Variants in ASCC3 observed in about 807,000 individuals in gnomAD.
ASCC3 encodes ASC-1 complex subunit P200.
In ASCC3, 158 loss-of-function variants were observed where a neutral mutation model predicts 256.3. The ratio of observed to expected loss-of-function variants is 0.62; its 90% CI spans 0.54 to 0.70. The LOEUF is 0.70. Ranked by LOEUF, ASCC3 falls within the 30% of genes least tolerant of loss-of-function variation. The pLI is 0.00. For synonymous variants in ASCC3, 948 were observed against 883.4 expected, an observed-to-expected ratio of 1.07 and a Z score of -1.30; for missense variants, 2,259 against 2,626.0, an observed-to-expected ratio of 0.86 and a Z score of 3.05.
intron 22 of ASCC3, 91 bp from the exon 23 acceptor site, chr6:100,644,220 A>G (rs1775271419): frequency 4.9e-6 from 4 of 821,996 alleles, no homozygotes; most frequent in South Asian, 1.4e-5. Context: ...CTTTATTGAT[A>G]TATCATTTAT....
At chr6:100,566,231 AC>A (rs2114714476) in intron 36 of ASCC3, among the ~76,000 whole-genome samples, 2 of 152,334 alleles carry the variant, frequency 1.3e-5, no homozygotes, top group South Asian at 4.1e-4. Context: ...CTTACTGGAT[AC>A]ACACAGTAAA....
chr6:100,826,746 T>C (rs1217934541), intron 4 of ASCC3, among the ~76,000 whole-genome samples: 3 of 152,278 alleles, frequency 2.0e-5, no homozygotes, highest in Middle Eastern at 3.4e-3. Flanking sequence ...GGATAAAGAA[T>C]GAAGACCTGC....
At chr6:100,730,470 G>C in intron 10 of ASCC3, among the ~76,000 whole-genome samples, 1 of 152,138 alleles carries the variant, frequency 6.6e-6, no homozygotes, top group South Asian at 2.1e-4. Context: ...CTTCTGTGGT[G>C]AAAATAGCCT....
At chr6:100,564,905 A>G (rs1335396967) in intron 36 of ASCC3, among the ~76,000 whole-genome samples, 2 of 152,218 alleles carry the variant, frequency 1.3e-5, no homozygotes, top group Non-Finnish European at 2.9e-5. Flanking sequence ...ATAAATGGAC[A>G]TTTAGTCCCT....
intron 14 of ASCC3, among the ~76,000 whole-genome samples, chr6:100,669,366 A>G (rs1776632860): frequency 6.6e-6 from 1 of 150,780 alleles, no homozygotes; most frequent in Admixed American, 6.6e-5. Flanking sequence ...AAATAAGTGG[A>G]AAAAATCACT....
chr6:100,688,223 T>C (rs1777675687), intron 13 of ASCC3, among the ~76,000 whole-genome samples: 1 of 151,508 alleles, frequency 6.6e-6, no homozygotes, highest in Admixed American at 6.6e-5. Flanking sequence ...GGAATTGTAA[T>C]TGATAGGACA....
intron 1 of ASCC3, among the ~76,000 whole-genome samples, chr6:100,873,490 A>G (rs776803806): frequency 3.9e-5 from 6 of 152,194 alleles, no homozygotes; most frequent in Non-Finnish European, 8.8e-5. Flanking sequence ...CAGCCTTGCT[A>G]GAGACCTAGA....
chr6:100,623,594 T>A (rs895293856), intron 30 of ASCC3, among the ~76,000 whole-genome samples: 2 of 152,166 alleles, frequency 1.3e-5, no homozygotes, highest in African/African-American at 4.8e-5. Context: ...AGCACTGCTC[T>A]TCTTTAGCCT....
intron 36 of ASCC3, among the ~76,000 whole-genome samples, chr6:100,551,230 C>T (rs576746535): frequency 2.6e-4 from 39 of 152,000 alleles, no homozygotes; most frequent in African/African-American, 6.7e-4. Flanking sequence ...CAGGTATACA[C>T]AATGGTAAAC....
intron 32 of ASCC3, among the ~76,000 whole-genome samples, chr6:100,606,286 T>A (rs1772883742): frequency 6.6e-6 from 1 of 152,244 alleles, no homozygotes; most frequent in Admixed American, 6.5e-5. Flanking sequence ...GCTTTTATCA[T>A]GTTTTAAAAT....
intron 16 of ASCC3, among the ~76,000 whole-genome samples, chr6:100,656,822 A>T (rs1463482341): frequency 6.6e-6 from 1 of 151,034 alleles, no homozygotes; most frequent in Non-Finnish European, 1.5e-5. Flanking sequence ...CACGTTGTAA[A>T]ACTTCATAGT....
chr6:100,848,511 A>G lies in ASCC3; in HGVS notation c.438T>C (p.Leu146=). The G allele has an allele frequency of 6.2e-7, 1 of 1,614,152 alleles. No individual in the cohort carries two copies. The highest frequency in any genetic ancestry group is 8.5e-7 in the Non-Finnish European group (1 of 1,179,998). ...RIISHFSQDD[L]TALVQMTEKE... ...TTTCTGTCATCTGCACAAGAGCAGT[A>G]AGATCATCTTGACTAAAATGAGAAA... Residue 146 remains leucine, a synonymous_variant, in exon 4 of 42, where the codon CTT becomes CTC. Transcript: ENST00000369162.
In ASCC3 at chr6:100,867,901, A is replaced by G. The variant is rs983067268; in HGVS notation, c.90+7T>C. 2.5e-6 allele frequency: 4 copies of G among 1,600,540 alleles called. No individual in the cohort carries two copies. The highest frequency in any genetic ancestry group is 1.3e-5 in the African/African-American group (1 of 74,618). Reference sequence around the variant, plus strand: ...ATGTTCAACATTTCTACCTTTAACAAATCTACCTTTAAGTCAGCCACTTCT... The same window carrying G: ...ATGTTCAACATTTCTACCTTTAACAGATCTACCTTTAAGTCAGCCACTTCT... On this transcript the variant is annotated splice_region_variant and intron_variant, in intron 2 of 41. Coordinates refer to ENST00000369162, the MANE Select transcript of ASCC3 (RefSeq NM_006828.4).
chr6:100,630,700 A>G (rs1774497224), intron 26 of ASCC3, among the ~76,000 whole-genome samples: 1 of 151,876 alleles, frequency 6.6e-6, no homozygotes, highest in African/African-American at 2.4e-5. Context: ...AATGAAAAAA[A>G]CCCCACATCA....
At chr6:100,646,473 G>T in intron 22 of ASCC3, 142 bp downstream of exon 22, 1 of 873,298 alleles carries the variant, frequency 1.1e-6, no homozygotes. Context: ...ACCATGCCCG[G>T]CTAATTGCTA....
At chr6:100,837,613 G>C (rs1249953396) in intron 4 of ASCC3, among the ~76,000 whole-genome samples, 1 of 152,074 alleles carries the variant, frequency 6.6e-6, no homozygotes, top group Admixed American at 6.6e-5. Context: ...ATTATGTTAA[G>C]TAAAATAAGC....
intron 12 of ASCC3, among the ~76,000 whole-genome samples, chr6:100,716,164 T>C (rs189948798): frequency 6.6e-6 from 1 of 151,870 alleles, no homozygotes; most frequent in African/African-American, 2.4e-5. Flanking sequence ...AATTTGATAT[T>C]CAGTCAAATA....
chr6:100,620,618 G>A (rs9322111), intron 30 of ASCC3, among the ~76,000 whole-genome samples: 9,925 of 152,088 alleles, frequency 0.065, 732 homozygotes, highest in East Asian at 0.31. Flanking sequence ...TCACTGAACA[G>A]CAGAATAATT....
chr6:100,667,915 G>A (rs1389261378), intron 14 of ASCC3, among the ~76,000 whole-genome samples: 7 of 151,806 alleles, frequency 4.6e-5, no homozygotes, highest in Admixed American at 3.9e-4. Context: ...GTAATCATTG[G>A]TAGAACCAAT....
Sources: allele counts gnomAD v4.1 joint callset (sites outside exome capture counted in the v4.1 genomes callset), GRCh38; gene constraint gnomAD v4.1.1; transcripts MANE v1.5; gene names NCBI Gene and HGNC (gene_info 2026-07-23, HGNC 2026-07-21).